The following MCM9 variants were observed in gnomAD, a reference collection of about 807,000 sequenced individuals.
MCM9 encodes DNA helicase MCM9.
MCM9 carries 55 observed loss-of-function variants against 72.8 expected under a neutral mutation model. The observed-to-expected ratio is 0.76, with a 90% CI of 0.61 to 0.95. MCM9 has a LOEUF of 0.95. MCM9 is among the 40% of genes least tolerant of loss of function. The pLI is 0.00. For synonymous variants in MCM9, 480 were observed against 503.4 expected, an observed-to-expected ratio of 0.95 and a Z score of 0.62; for missense variants, 1,279 against 1,377.0, an observed-to-expected ratio of 0.93 and a Z score of 1.13.
rs142849341 is a variant in MCM9 at position 118,865,086 on chromosome 6, G to T, written c.1151-8541C>A. ...ACTCCAGGTTTATTAATCTCTCATGGAAGAGAGTCTGACTGTATATTGAGC... is the reference window on the plus strand; with the variant it reads ...ACTCCAGGTTTATTAATCTCTCATGTAAGAGAGTCTGACTGTATATTGAGC... On this transcript the variant is annotated intron_variant, in intron 8 of 13. Coordinates refer to ENST00000619706, the MANE Select transcript of MCM9 (RefSeq NM_017696.3). Among the ~76,000 whole-genome samples, 53 of 152,298 alleles carry T rather than the reference G, an allele frequency of 3.5e-4. No individual in the cohort carries two copies. The East Asian group carries it at 9.1e-3, about 26-fold the overall frequency.
In MCM9 at chr6:118,815,030, G is replaced by GGCTATGTAC; in HGVS notation, c.3225_3226insGTACATAGC (p.Pro1075_Pro1076insValHisSer). On this transcript the variant is annotated inframe_insertion, in exon 14 of 14. Transcript: ENST00000619706. ...CTCTCACCTCGGTTCTTCCTTTCAG[G>GGCTATGTAC]AGGAGGGGATTTTGATTTGGATTCC... 1.3e-6 allele frequency: 2 copies of GGCTATGTAC among 1,550,330 alleles called. No homozygotes were observed. The highest frequency in any genetic ancestry group is 1.7e-6 in the Non-Finnish European group (2 of 1,146,738).
At chr6:118,835,938 G>A (rs1221813762) in intron 9 of MCM9, among the ~76,000 whole-genome samples, 1 of 152,136 alleles carries the variant, frequency 6.6e-6, no homozygotes, top group Non-Finnish European at 1.5e-5. Flanking sequence ...TTTTCAAGGG[G>A]AATGCTTCCA....
intron 8 of MCM9, chr6:118,894,325 G>T (rs142622007): frequency 6.6e-7 from 1 of 1,515,652 alleles, no homozygotes; most frequent in African/African-American, 1.4e-5. Flanking sequence ...CGCTGGAGCG[G>T]GGGTCTGCGC....
intron 8 of MCM9, among the ~76,000 whole-genome samples, chr6:118,904,521 G>C (rs1780037055): frequency 6.6e-6 from 1 of 152,190 alleles, no homozygotes; most frequent in Non-Finnish European, 1.5e-5. Flanking sequence ...GTGTTCCCCA[G>C]TCTGGCTCCT....
intron 4 of MCM9, among the ~76,000 whole-genome samples, chr6:118,922,924 C>T (rs933001835): frequency 6.7e-6 from 1 of 148,468 alleles, no homozygotes; most frequent in Non-Finnish European, 1.5e-5. Context: ...CCCAGCTACT[C>T]GGGAGGCTAA....
chr6:118,902,783 A>G (rs989132590), intron 8 of MCM9, among the ~76,000 whole-genome samples: 1 of 152,246 alleles, frequency 6.6e-6, no homozygotes, highest in Non-Finnish European at 1.5e-5. Context: ...AAGGTTTTAC[A>G]GAATTCACCA....
chr6:118,911,222 T>C (rs956826782), intron 8 of MCM9: 12 of 986,102 alleles, frequency 1.2e-5, no homozygotes, highest in African/African-American at 1.8e-5. Flanking sequence ...ATTCCCTACC[T>C]AAGAAATTTC....
In MCM9 at chr6:118,932,744, T is replaced by A. The variant is rs977422039; in HGVS notation, c.-149-4A>T. 1 of 283,860 alleles carries A rather than the reference T, an allele frequency of 3.5e-6. No individual in the cohort carries two copies. The highest frequency in any genetic ancestry group is 2.3e-5 in the African/African-American group (1 of 43,814). 17.6% of individuals were successfully genotyped at this position (283,860 alleles called of 1,614,324 possible). A position where few individuals can be genotyped will look rare whatever the true frequency, so the allele number is the denominator to read the frequency against. ...CTACTGGGTTCTGCAGAAACAGCTG[T>A]CAACAATGCAAAGAAAACAGATAAA... On this transcript the variant is annotated splice_region_variant and splice_polypyrimidine_tract_variant and intron_variant, in intron 1 of 13. Transcript: ENST00000619706.
intron 9 of MCM9, among the ~76,000 whole-genome samples, chr6:118,834,719 ATTTG>A (rs1483677827): frequency 7.9e-5 from 12 of 151,472 alleles, no homozygotes; most frequent in Non-Finnish European, 1.6e-4. Context: ...TTTCTTATAA[ATTTG>A]TTTAAGTTCT....
intron 8 of MCM9, among the ~76,000 whole-genome samples, chr6:118,897,673 G>C (rs1310538999): frequency 6.6e-6 from 1 of 151,652 alleles, no homozygotes; most frequent in Non-Finnish European, 1.5e-5. Context: ...TTTCAGGCTG[G>C]GTAAATCATT....
chr6:118,923,685 T>C, intron 4 of MCM9, 126 bp downstream of exon 4: 1 of 819,902 alleles, frequency 1.2e-6, no homozygotes, highest in African/African-American at 1.7e-5. Context: ...GTTTCGAGCT[T>C]GATCTTCCAC....
intron 8 of MCM9, among the ~76,000 whole-genome samples, chr6:118,885,113 G>A (rs999034838): frequency 6.6e-6 from 1 of 152,110 alleles, no homozygotes; most frequent in African/African-American, 2.4e-5. Context: ...GGAGAACGGG[G>A]TGAACCCGGG....
At chr6:118,929,740 G>A (rs78955236) in intron 3 of MCM9, among the ~76,000 whole-genome samples, 1,587 of 152,260 alleles carry the variant, frequency 0.01, 30 homozygotes, top group African/African-American at 0.036. Flanking sequence ...TGGGAGGCCA[G>A]AGGAGGAGGA....
intron 9 of MCM9, among the ~76,000 whole-genome samples, chr6:118,833,034 T>C (rs749098464): frequency 6.6e-5 from 10 of 152,218 alleles, no homozygotes; most frequent in Non-Finnish European, 1.2e-4. Context: ...CCTAAAAGCC[T>C]TCCTGTGCAA....
intron 8 of MCM9, among the ~76,000 whole-genome samples, chr6:118,858,125 T>C (rs1776680893): frequency 6.6e-6 from 1 of 152,100 alleles, no homozygotes; most frequent in African/African-American, 2.4e-5. Flanking sequence ...TAAATGCAAG[T>C]GAATCAAATC....
In MCM9 at chr6:118,813,581, T is replaced by A. The variant is rs897995843; in HGVS notation, c.*1243A>T. On this transcript the variant is annotated 3_prime_UTR_variant, in exon 14 of 14. Coordinates refer to ENST00000619706, the MANE Select transcript of MCM9 (RefSeq NM_017696.3). ...AAGTGAAAATTAAACAAAATACATA[T>A]AGTTTTGAGTATTCTATGTCCAAAA... 2.0e-5 allele frequency: 3 copies of A among 152,210 alleles called. No individual in the cohort carries two copies. Among genetic ancestry groups the A allele is most frequent in the Non-Finnish European group, 4.4e-5 (3 of 68,028 alleles). 9.4% of individuals were successfully genotyped at this position (152,210 alleles called of 1,614,324 possible).
At chr6:118,906,370 G>A (rs1780179396) in intron 8 of MCM9, among the ~76,000 whole-genome samples, 3 of 152,154 alleles carry the variant, frequency 2.0e-5, no homozygotes, top group Admixed American at 2.0e-4. Flanking sequence ...ACCACGCCCA[G>A]AGAAAGTACT....
At chr6:118,861,978 GC>G (rs1416878538) in intron 8 of MCM9, among the ~76,000 whole-genome samples, 5 of 152,306 alleles carry the variant, frequency 3.3e-5, no homozygotes, top group Admixed American at 2.0e-4. Flanking sequence ...GCTACCTTCA[GC>G]CCCCCGACAT....
At chr6:118,882,830 TA>T (rs199795700) in intron 8 of MCM9, among the ~76,000 whole-genome samples, 2 of 150,994 alleles carry the variant, frequency 1.3e-5, no homozygotes, top group South Asian at 2.1e-4. Context: ...CAAACAACAA[TA>T]AAAAAAAGGA....
Sources: gnomAD v4.1 joint callset for allele counts (sites outside exome capture counted in the v4.1 genomes callset) on GRCh38, gnomAD v4.1.1 for gene constraint, MANE v1.5 for transcripts, NCBI Gene and HGNC (gene_info 2026-07-23, HGNC 2026-07-21) for gene names.